The following SORBS3 variants were observed in gnomAD, a reference collection of about 807,000 sequenced individuals.
SORBS3 encodes sorbin and SH3 domain containing 3.
Under a neutral mutation model 98.0 loss-of-function variants are expected in SORBS3, and 69 were observed. The observed-to-expected ratio is 0.70, with a 90% confidence interval of 0.58 to 0.86. The LOEUF is 0.86. Among genes scored for constraint, SORBS3 ranks in the 40% least tolerant of loss-of-function variants. The probability of loss-of-function intolerance (pLI) is 0.00; values close to 1 mark genes in which losing one functional copy is unlikely to be tolerated. For synonymous variants in SORBS3, 394 were observed against 355.4 expected, an observed-to-expected ratio of 1.11 and a Z score of -1.22; for missense variants, 954 against 908.5, an observed-to-expected ratio of 1.05 and a Z score of -0.64.
chr8:22,554,861 A>G lies in SORBS3; in HGVS notation c.103-2A>G, dbSNP rs1840155780. ...GCTGCCGCTCCTGGCCCCTCCCCGC[A>G]GGTGCCCGTGATCCGGAATGGTGGC... On this transcript the variant is annotated splice_acceptor_variant, in intron 2 of 20. Transcript: ENST00000240123. LOFTEE classifies it high-confidence loss of function. The surrounding 1 kb of genome is among the most constrained non-coding windows in gnomAD (Gnocchi z 6.5). 4 of 1,547,456 alleles carry G rather than the reference A, an allele frequency of 2.6e-6. No homozygotes were observed. Among genetic ancestry groups the G allele is most frequent in the Non-Finnish European group, 3.5e-6 (4 of 1,140,768 alleles).
In SORBS3 at chr8:22,564,944, G is replaced by A. The variant is rs922310312; in HGVS notation, c.817-324G>A. On this transcript the variant is annotated intron_variant, in intron 10 of 20. Transcript: ENST00000240123. ...CAGTGAAGCCAGGCCTTGGAGGGCG[G>A]GAGAAGATGGGAGAGGAAATGGGGA... 3.4e-4 allele frequency: 450 copies of A among 1,304,788 alleles called. 1 individual carries two copies. The highest frequency in any genetic ancestry group is 4.1e-4 in the Non-Finnish European group (422 of 1,022,820). 80.8% of individuals were successfully genotyped at this position (1,304,788 alleles called of 1,614,324 possible). A position where few individuals can be genotyped will look rare whatever the true frequency, so the allele number is the denominator to read the frequency against.
rs752463018 is a variant in SORBS3 at position 22,561,913 on chromosome 8, C to G, written c.566C>G (p.Pro189Arg). ...CAAAGACCTGCCCACAGGCCCGGCC[C>G]GGCAACATCTTCCAGTGGGTGAGCA... Reference protein sequence around the residue: ...AQQRPAHRPGPATSSSGRSWD... With the variant: ...AQQRPAHRPGRATSSSGRSWD... The change falls in exon 7 of 21, where the codon CCG becomes CGG. Residue 189 changes from proline (P) to arginine (R), a missense_variant. Pro to Arg is a moderately radical substitution (Grantham distance 103, BLOSUM62 -2). Transcript: ENST00000240123. The G allele has an allele frequency of 9.3e-6, 15 of 1,614,046 alleles. No homozygotes were observed. The highest frequency in any genetic ancestry group is 4.5e-5 in the East Asian group (2 of 44,896).
exon 1 of SORBS3, chr8:22,545,123 C>CT (rs1840003822): frequency 6.6e-6 from 1 of 152,142 alleles, no homozygotes; most frequent in African/African-American, 2.4e-5. Flanking sequence ...CTGAGACCTG[C>CT]TAGAAGGTGA....
At chr8:22,572,997 G>A (rs1327506342) in intron 20 of SORBS3, among the ~76,000 whole-genome samples, 2 of 152,258 alleles carry the variant, frequency 1.3e-5, no homozygotes, top group Non-Finnish European at 2.9e-5. Flanking sequence ...GAGTGGGCGG[G>A]CCCTGTGCAG....
In SORBS3 at chr8:22,571,009, C is replaced by G; in HGVS notation, c.1531C>G (p.Gln511Glu). Residue 511 changes from glutamine to glutamate, a missense_variant, in exon 18 of 21, where the codon CAG becomes GAG. Physicochemically the swap from Gln to Glu is conservative, Grantham distance 29 (BLOSUM62 2). Coordinates refer to ENST00000240123, the MANE Select transcript of SORBS3 (RefSeq NM_005775.5). ...AGGCATATTCCCTGCCAGCTACGTG[C>G]AGGTGTCTCGTGAACCCCGGCTCCG... ...RQGIFPASYV[Q>E]VSREPRLRLC... is the part of the protein sequence containing the mutation. The G allele has an allele frequency of 6.2e-7, 1 of 1,613,798 alleles. No individual in the cohort carries two copies. Among genetic ancestry groups the G allele is most frequent in the Non-Finnish European group, 8.5e-7 (1 of 1,179,944 alleles).
rs1018525198 is a variant in SORBS3, at chr8:22,572,409, G to A, written c.1917G>A (p.Val639=). The A allele has an allele frequency of 6.2e-7, 1 of 1,613,874 alleles. No homozygotes were observed. The highest frequency in any genetic ancestry group is 1.3e-5 in the African/African-American group (1 of 74,920). Residue 639 remains valine, a synonymous_variant, in exon 20 of 21, where the codon GTG becomes GTA. Transcript: ENST00000240123. ...TGGAGCTGCGCGAGGGGGACAGGGTGGATGTCATGCAGCAGTGTGACGATG... is the reference window on the plus strand; with the variant it reads ...TGGAGCTGCGCGAGGGGGACAGGGTAGATGTCATGCAGCAGTGTGACGATG... ...DELELREGDR[V]DVMQQCDDGW... is the part of the protein sequence containing the mutation.
chr8:22,561,010 C>T, intron 5 of SORBS3: 1 of 311,836 alleles, frequency 3.2e-6, no homozygotes, highest in South Asian at 1.5e-4. Flanking sequence ...GGGTGCAAGT[C>T]GAGTTTCCCC....
Position 22,557,642 on chromosome 8 carries a change from T to TA in SORBS3, c.415-476dup, listed in dbSNP as rs34973499. On this transcript the variant is annotated intron_variant, in intron 4 of 20. Coordinates refer to ENST00000240123, the MANE Select transcript of SORBS3 (RefSeq NM_005775.5). The stretch of plus-strand genomic sequence containing the variant: ...GCAACATAGTGAGACCCTGTCTCTA[T>TA]AAAAAAAAAAATAAAATAAAATTAG... Among the ~76,000 whole-genome samples, 57 of 148,526 alleles carry TA rather than the reference T, an allele frequency of 3.8e-4. No homozygotes were observed. In the East Asian group the frequency reaches 4.3e-3, roughly 11 times the overall value.
At chr8:22,561,303 G>A (rs1363547388) in intron 5 of SORBS3, 32 bp from the exon 6 acceptor site, 2 of 1,561,566 alleles carry the variant, frequency 1.3e-6, no homozygotes, top group East Asian at 2.3e-5. Flanking sequence ...TTTCTGCCCC[G>A]TCCCATGACC....
intron 16 of SORBS3, 76 bp from the exon 17 acceptor site, chr8:22,569,072 C>G: frequency 7.0e-7 from 1 of 1,422,582 alleles, no homozygotes; most frequent in Non-Finnish European, 9.3e-7. Flanking sequence ...CTTCTCTTTG[C>G]TGTCTCACAG....
rs1039751178 is a variant in SORBS3 at position 22,554,326 on chromosome 8, C to T, written c.-55-126C>T. On this transcript the variant is annotated intron_variant, in intron 1 of 20. Coordinates refer to ENST00000240123, the MANE Select transcript of SORBS3 (RefSeq NM_005775.5). The surrounding 1 kb of genome is among the most constrained non-coding windows in gnomAD (Gnocchi z 6.5). ...GTGGCCTGTTTCCTGGGTCCTTGAG[C>T]TAGTACCCAGCTGGTCCTGACCCCC... 3 of 1,004,120 alleles carry T rather than the reference C, an allele frequency of 3.0e-6. No homozygotes were observed. The African/African-American group carries it at 4.9e-5, about 16-fold the overall frequency. The allele number at this position is 1,004,120 out of a possible 1,614,324, so 62.2% of individuals were successfully genotyped here.
intron 1 of SORBS3, among the ~76,000 whole-genome samples, chr8:22,553,066 G>A (rs1840115670): frequency 6.6e-6 from 1 of 152,092 alleles, no homozygotes; most frequent in Non-Finnish European, 1.5e-5. Context: ...CCCTGGGCAG[G>A]AGCTGGGTCC....
In SORBS3 at chr8:22,574,149, C is replaced by T. The variant is rs1430818315; in HGVS notation, c.1955-518C>T. Among the ~76,000 whole-genome samples, 7 of 151,898 alleles carry T rather than the reference C, an allele frequency of 4.6e-5. No homozygotes were observed. The East Asian group carries it at 1.2e-3, about 25-fold the overall frequency. ...GGGAAGCATCGGGTGCCAGGCCCCCCAGATGCTTTGCCCGCTGGGGTTCCC... is the reference window on the plus strand; with the variant it reads ...GGGAAGCATCGGGTGCCAGGCCCCCTAGATGCTTTGCCCGCTGGGGTTCCC... On this transcript the variant is annotated intron_variant, in intron 20 of 20. Coordinates refer to ENST00000240123, the MANE Select transcript of SORBS3 (RefSeq NM_005775.5).
Position 22,566,426 on chromosome 8 carries a change from T to C in SORBS3, c.1032T>C (p.Ala344=). 1 of 1,614,004 alleles carries C rather than the reference T, an allele frequency of 6.2e-7. No homozygotes were observed. The change falls in exon 13 of 21, where the codon GCT becomes GCC. Residue 344 remains alanine (A), a synonymous_variant. Coordinates refer to ENST00000240123, the MANE Select transcript of SORBS3 (RefSeq NM_005775.5). The part of the protein sequence containing the change: ...SARSLSPHKM[A]DGGSPFLGRR... Reference sequence around the variant, plus strand: ...GGTCCCTGAGTCCCCACAAAATGGCTGATGGAGGAAGCCCCTTCCTAGGTC... The same window carrying C: ...GGTCCCTGAGTCCCCACAAAATGGCCGATGGAGGAAGCCCCTTCCTAGGTC...
At chr8:22,569,693 A>G (rs140872331) in intron 17 of SORBS3, among the ~76,000 whole-genome samples, 44 of 152,130 alleles carry the variant, frequency 2.9e-4, no homozygotes, top group African/African-American at 1.1e-3. Context: ...CAGGATTTCA[A>G]AGTTTTCCCC....
At position 22,566,886 on chromosome 8, in the gene SORBS3, C is replaced by T. The variant is rs761169086; in HGVS notation, c.1190+18C>T. 1.2e-6 allele frequency: 2 copies of T among 1,603,624 alleles called. No individual in the cohort carries two copies. The highest frequency in any genetic ancestry group is 1.1e-5 in the South Asian group (1 of 89,774). The stretch of plus-strand genomic sequence containing the variant: ...TCCCCCAAGTAAGCGCCCTCCTCCC[C>T]CTCCCCTTCCACCCAAGGCAATCTC... On this transcript the variant is annotated intron_variant, in intron 15 of 20. Transcript: ENST00000240123.
At chr8:22,558,071 C>T in intron 4 of SORBS3, 58 bp from the exon 5 acceptor site, 5 of 1,572,258 alleles carry the variant, frequency 3.2e-6, no homozygotes, top group Non-Finnish European at 8.8e-7. Flanking sequence ...ATTTTTGTGG[C>T]TTGAAATTGG....
At chr8:22,564,599 G>A (rs867581980) in intron 10 of SORBS3, 78 bp downstream of exon 10, 25 of 1,570,166 alleles carry the variant, frequency 1.6e-5, no homozygotes, top group Admixed American at 1.4e-4. Flanking sequence ...AGTAACCATG[G>A]GCATAGGCCA....
chr8:22,570,321 G>T (rs1840540406), intron 17 of SORBS3, among the ~76,000 whole-genome samples: 1 of 152,230 alleles, frequency 6.6e-6, no homozygotes, highest in Admixed American at 6.5e-5. Context: ...ATGTCAGCCA[G>T]CCTGTGGCCT....
Sources: gnomAD v4.1 joint callset for allele counts (sites outside exome capture counted in the v4.1 genomes callset) on GRCh38, gnomAD v4.1.1 for gene constraint, Gnocchi (gnomAD v3.1) non-coding constraint, MANE v1.5 for transcripts, NCBI Gene and HGNC (gene_info 2026-07-23, HGNC 2026-07-21) for gene names.